Variants in UGT1A10 observed in about 807,000 individuals in gnomAD.
The protein encoded by UGT1A10 is UDP glucuronosyltransferase family 1 member A10.
Under a neutral mutation model 45.8 loss-of-function variants are expected in UGT1A10, and 49 were observed. That is an observed-to-expected ratio of 1.07 (90% CI 0.85 to 1.36). UGT1A10 has a LOEUF of 1.36. UGT1A10 is among the 40% of genes most tolerant of loss of function. UGT1A10 has a pLI of 0.00. For synonymous variants in UGT1A10, 284 were observed against 249.7 expected, an observed-to-expected ratio of 1.14 and a Z score of -1.29; for missense variants, 745 against 668.6, an observed-to-expected ratio of 1.11 and a Z score of -1.26.
rs760553576 is a variant in UGT1A10 at position 233,656,581 on chromosome 2, C to A, written c.855+19204C>A. ...CGCCCATGACTCAACTCTTGCCTGG[C>A]GTGGTTTGAGGTCTTGTGTGTAGTT... On this transcript the variant is annotated intron_variant, in intron 1 of 4. Transcript: ENST00000344644. Among the ~76,000 whole-genome samples, 126 of 152,130 alleles carry A rather than the reference C, an allele frequency of 8.3e-4. 1 individual carries two copies. The highest frequency in any genetic ancestry group is 7.6e-3 in the Admixed American group (116 of 15,276).
intron 1 of UGT1A10, chr2:233,692,449 C>T (rs45568235): frequency 0.021 from 3,275 of 156,680 alleles, 115 homozygotes; most frequent in African/African-American, 0.074. Flanking sequence ...ACCTGGGGAC[C>T]TACTACTTGC....
At chr2:233,641,135 C>T (rs775677272) in intron 1 of UGT1A10, among the ~76,000 whole-genome samples, 1 of 152,180 alleles carries the variant, frequency 6.6e-6, no homozygotes, top group Non-Finnish European at 1.5e-5. Context: ...AAGCCTTTGT[C>T]TCCTTGCAGC....
At chr2:233,650,737 A>G (rs2073717676) in intron 1 of UGT1A10, among the ~76,000 whole-genome samples, 1 of 152,116 alleles carries the variant, frequency 6.6e-6, no homozygotes, top group African/African-American at 2.4e-5. Flanking sequence ...GCTTTTTTCC[A>G]ACTGATGTCC....
chr2:233,729,493 G>A, intron 1 of UGT1A10: 5 of 1,614,180 alleles, frequency 3.1e-6, no homozygotes, highest in Non-Finnish European at 4.2e-6. Context: ...TATGTCTTTG[G>A]TCTATCATAG....
intron 1 of UGT1A10, among the ~76,000 whole-genome samples, chr2:233,651,116 A>G (rs1575401692): frequency 1.3e-5 from 2 of 152,238 alleles, no homozygotes; most frequent in South Asian, 4.1e-4. Context: ...TGGCAAGAAC[A>G]GGCGAGGAGA....
At chr2:233,732,755 G>GTTTT (rs956485327) in intron 1 of UGT1A10, among the ~76,000 whole-genome samples, 5 of 120,226 alleles carry the variant, frequency 4.2e-5, no homozygotes, top group African/African-American at 9.1e-5. Context: ...CACCAGCTTT[G>GTTTT]TTTTTTTTTT....
At chr2:233,637,855 A>G (rs1299214166) in intron 1 of UGT1A10, among the ~76,000 whole-genome samples, 6 of 152,208 alleles carry the variant, frequency 3.9e-5, no homozygotes, top group African/African-American at 1.2e-4. Context: ...TTCACTTGCC[A>G]ATAAATTATG....
intron 1 of UGT1A10, among the ~76,000 whole-genome samples, chr2:233,724,483 C>CA (rs2077265873): frequency 1.5e-5 from 1 of 68,754 alleles, no homozygotes; most frequent in Non-Finnish European, 3.0e-5. Context: ...ACTTCTCAGA[C>CA]GGGGCGGCCG....
chr2:233,637,538 C>G (rs956155950), intron 1 of UGT1A10, among the ~76,000 whole-genome samples, 161 bp downstream of exon 1: 2 of 152,114 alleles, frequency 1.3e-5, no homozygotes, highest in Non-Finnish European at 2.9e-5. Flanking sequence ...CATCAATTAT[C>G]AAATTTTATA....
intron 1 of UGT1A10, among the ~76,000 whole-genome samples, chr2:233,676,918 CT>C (rs2074375590): frequency 1.3e-5 from 2 of 152,088 alleles, no homozygotes; most frequent in Non-Finnish European, 1.5e-5. Flanking sequence ...ACTTTGTATT[CT>C]GTTCTGTTGA....
intron 1 of UGT1A10, among the ~76,000 whole-genome samples, chr2:233,678,206 G>A (rs1381812720): frequency 2.6e-5 from 4 of 152,162 alleles, no homozygotes; most frequent in Non-Finnish European, 5.9e-5. Context: ...AAACTATTGG[G>A]TACTATGCTC....
At chr2:233,688,797 A>G (rs2074913951) in intron 1 of UGT1A10, among the ~76,000 whole-genome samples, 1 of 152,202 alleles carries the variant, frequency 6.6e-6, no homozygotes, top group Non-Finnish European at 1.5e-5. Flanking sequence ...GAAGGCATTG[A>G]TTAGCTACAA....
chr2:233,655,044 A>C (rs372943668), intron 1 of UGT1A10, among the ~76,000 whole-genome samples: 39 of 152,058 alleles, frequency 2.6e-4, no homozygotes, highest in African/African-American at 7.0e-4. Flanking sequence ...AGCCGAGATC[A>C]TACCACTGCA....
intron 1 of UGT1A10, among the ~76,000 whole-genome samples, chr2:233,645,401 C>T (rs1400732791): frequency 6.6e-6 from 1 of 152,210 alleles, no homozygotes; most frequent in Non-Finnish European, 1.5e-5. Context: ...CATGCCCTCC[C>T]AACAGTCCCG....
At position 233,769,954 on chromosome 2, in the gene UGT1A10, T is replaced by G. The variant is rs1348335811; in HGVS notation, c.1295+1515T>G. 3 of 220,032 alleles carry G rather than the reference T, an allele frequency of 1.4e-5. No individual in the cohort carries two copies. The highest frequency in any genetic ancestry group is 2.3e-5 in the African/African-American group (1 of 44,160). The allele number at this position is 220,032 out of a possible 1,614,324, so 13.6% of individuals were successfully genotyped here. Reference sequence around the variant, plus strand: ...CCCATTCCTTCCTTCCAGCGGCTTCTTCTGGCCACCTCAATGTCAGGATGT... The same window carrying G: ...CCCATTCCTTCCTTCCAGCGGCTTCGTCTGGCCACCTCAATGTCAGGATGT... On this transcript the variant is annotated intron_variant, in intron 4 of 4. Coordinates refer to ENST00000344644, the MANE Select transcript of UGT1A10 (RefSeq NM_019075.4). This position sits in a 1 kb window ranked among gnomAD's most constrained non-coding sequence, Gnocchi z 4.4.
chr2:233,674,514 C>T (rs1159534738), intron 1 of UGT1A10, among the ~76,000 whole-genome samples: 1 of 152,100 alleles, frequency 6.6e-6, no homozygotes, highest in African/African-American at 2.4e-5. Context: ...TTTATTGTGC[C>T]TCACAGCGTC....
Position 233,637,367 on chromosome 2 carries a change from C to A in UGT1A10, c.845C>A (p.Pro282Gln), listed in dbSNP as rs773685174. 3.7e-6 allele frequency: 6 copies of A among 1,612,802 alleles called. No individual in the cohort carries two copies. Among genetic ancestry groups the A allele is most frequent in the African/African-American group, 1.3e-5 (1 of 74,894 alleles). Residue 282 changes from proline to glutamine, a missense_variant, in exon 1 of 5, where the codon CCA (proline) becomes CAA (glutamine). Transcript: ENST00000344644. ...GGTATCAACTGTCATCAGGGAAAGC[C>A]ATTGCCTATGGTAAGTCACCTCTCC... ...IGGINCHQGK[P>Q]LPMEFEAYIN...
At chr2:233,718,795 G>T (rs1190381622) in intron 1 of UGT1A10, 2 of 1,613,210 alleles carry the variant, frequency 1.2e-6, no homozygotes, top group South Asian at 2.2e-5. Flanking sequence ...GGGGTGGACA[G>T]TCAGCTGTCG....
chr2:233,709,363 T>C (rs909070965), intron 1 of UGT1A10, among the ~76,000 whole-genome samples: 1 of 152,220 alleles, frequency 6.6e-6, no homozygotes, highest in Non-Finnish European at 1.5e-5. Flanking sequence ...TATAGATTTT[T>C]CTGTGTCCTA....
Sources: allele counts gnomAD v4.1 joint callset (sites outside exome capture counted in the v4.1 genomes callset), GRCh38; gene constraint gnomAD v4.1.1; non-coding constraint Gnocchi (gnomAD v3.1); transcripts MANE v1.5; gene names NCBI Gene and HGNC (gene_info 2026-07-23, HGNC 2026-07-21).